The following KRT80 variants were observed in gnomAD, a reference collection of about 807,000 sequenced individuals.
The protein encoded by KRT80 is keratin, type II cytoskeletal 80.
Under a neutral mutation model 51.5 loss-of-function variants are expected in KRT80, and 36 were observed. The ratio of observed to expected loss-of-function variants is 0.70; its 90% CI spans 0.54 to 0.92. The LOEUF is 0.92. Among genes scored for constraint, KRT80 ranks in the 40% least tolerant of loss-of-function variants. The pLI is 0.00. For synonymous variants in KRT80, 235 were observed against 248.3 expected, an observed-to-expected ratio of 0.95 and a Z score of 0.50; for missense variants, 566 against 591.7, an observed-to-expected ratio of 0.96 and a Z score of 0.45.
rs1176997191 is a variant in KRT80 at position 52,169,930 on chromosome 12, C to T, written c.*1468G>A. 2.0e-5 allele frequency: 3 copies of T among 152,244 alleles called. No homozygotes were observed. The highest frequency in any genetic ancestry group is 4.4e-5 in the Non-Finnish European group (3 of 68,084). 9.4% of individuals were successfully genotyped at this position (152,244 alleles called of 1,614,324 possible). A position where few individuals can be genotyped will look rare whatever the true frequency, so the allele number is the denominator to read the frequency against. On this transcript the variant is annotated 3_prime_UTR_variant, in exon 9 of 9. Coordinates refer to ENST00000394815, the MANE Select transcript of KRT80 (RefSeq NM_182507.3). ...GGGCCCAGACCTCTGGCCAACATGTCCTGGCAAATGAGATGAATGAATCTA... is the reference window on the plus strand; with the variant it reads ...GGGCCCAGACCTCTGGCCAACATGTTCTGGCAAATGAGATGAATGAATCTA...
chr12:52,175,063 C>T (rs1025654496), intron 4 of KRT80, among the ~76,000 whole-genome samples: 4 of 152,204 alleles, frequency 2.6e-5, no homozygotes, highest in African/African-American at 9.6e-5. Context: ...CACCCTGACC[C>T]CTATTTCAAT....
intron 1 of KRT80, 27 bp downstream of exon 1, chr12:52,191,576 T>C (rs1941481189): frequency 2.0e-6 from 3 of 1,537,504 alleles, no homozygotes; most frequent in Admixed American, 2.0e-5. Flanking sequence ...CAGCCCTTCA[T>C]GTTTGGGACC....
rs1417129801 is a variant in KRT80, at chr12:52,169,688, A to T, written c.*1710T>A. On this transcript the variant is annotated 3_prime_UTR_variant, in exon 9 of 9. Coordinates refer to ENST00000394815, the MANE Select transcript of KRT80 (RefSeq NM_182507.3). ...ACAGGAAGGGAAGCAATAAGTTAAAAGCCACATAAGTTATGAAAAAATAAT... is the reference window on the plus strand; with the variant it reads ...ACAGGAAGGGAAGCAATAAGTTAAATGCCACATAAGTTATGAAAAAATAAT... 6.6e-6 allele frequency: 1 copy of T among 152,600 alleles called. No individual in the cohort carries two copies. Among genetic ancestry groups the T allele is most frequent in the African/African-American group, 2.4e-5 (1 of 41,456 alleles). The allele number at this position is 152,600 out of a possible 1,614,324, so 9.5% of individuals were successfully genotyped here. A position where few individuals can be genotyped will look rare whatever the true frequency, so the allele number is the denominator to read the frequency against.
At chr12:52,190,881 G>A (rs956735938) in intron 1 of KRT80, among the ~76,000 whole-genome samples, 67 of 152,296 alleles carry the variant, frequency 4.4e-4, no homozygotes, top group African/African-American at 1.6e-3. Context: ...AGCAGAGGTG[G>A]ACACGAGTGC....
chr12:52,176,393 T>C (rs9669529), intron 4 of KRT80, among the ~76,000 whole-genome samples: 5 of 151,946 alleles, frequency 3.3e-5, no homozygotes, highest in African/African-American at 1.2e-4. Flanking sequence ...TCAGGGTAGA[T>C]TGTGACTGTT....
intron 6 of KRT80, among the ~76,000 whole-genome samples, chr12:52,172,702 G>C (rs12826497): frequency 0.19 from 28,789 of 152,170 alleles, 2,863 homozygotes; most frequent in Middle Eastern, 0.23. Flanking sequence ...GTCCTGGCTG[G>C]AAGCTGGGAC....
chr12:52,189,532 T>C (rs953734278), intron 1 of KRT80, among the ~76,000 whole-genome samples: 3 of 152,230 alleles, frequency 2.0e-5, no homozygotes, highest in African/African-American at 7.2e-5. Context: ...AGCTGGTCAG[T>C]AGTGGACCGG....
chr12:52,183,035 T>G (rs1462046331), intron 2 of KRT80, among the ~76,000 whole-genome samples: 1 of 152,210 alleles, frequency 6.6e-6, no homozygotes, highest in African/African-American at 2.4e-5. Context: ...TCAGTCCCTA[T>G]CCACCGCCTG....
chr12:52,178,269 G>A (rs1181828969), intron 4 of KRT80, among the ~76,000 whole-genome samples: 7 of 152,144 alleles, frequency 4.6e-5, no homozygotes, highest in East Asian at 3.8e-4. Context: ...TTGCCACCCC[G>A]CCCCAGTGCC....
Position 52,173,608 on chromosome 12 carries a change from G to T in KRT80, c.823C>A (p.Arg275=), listed in dbSNP as rs750124096. Residue 275 remains arginine (R), a synonymous_variant, in exon 5 of 9, where the codon CGG becomes AGG. Transcript: ENST00000394815. ...RSLEEAEAYS[R]SQLEEQAARS... is the part of the protein sequence containing the mutation. ...TGTGTGGTCAGCCCCACCTGGCTCCGAGAGTATGCCTCGGCCTCCTCCAGG... is the reference window on the plus strand; with the variant it reads ...TGTGTGGTCAGCCCCACCTGGCTCCTAGAGTATGCCTCGGCCTCCTCCAGG... 1 of 1,612,424 alleles carries T rather than the reference G, an allele frequency of 6.2e-7. No homozygotes were observed. The highest frequency in any genetic ancestry group is 1.1e-5 in the South Asian group (1 of 91,056).
intron 4 of KRT80, among the ~76,000 whole-genome samples, chr12:52,174,534 G>A (rs1444158042): frequency 6.6e-6 from 1 of 152,240 alleles, no homozygotes; most frequent in African/African-American, 2.4e-5. Context: ...TCTGGAAATG[G>A]TAAAACCCAC....
chr12:52,177,654 TGTG>T, intron 4 of KRT80, among the ~76,000 whole-genome samples: 1 of 151,854 alleles, frequency 6.6e-6, no homozygotes, highest in African/African-American at 2.4e-5. Flanking sequence ...TGTGTGTGTG[TGTG>T]TGTGTGTGCA....
intron 4 of KRT80, among the ~76,000 whole-genome samples, chr12:52,176,999 T>C (rs533927446): frequency 2.6e-5 from 4 of 152,200 alleles, no homozygotes; most frequent in Admixed American, 1.3e-4. Context: ...ATTGTCCCCA[T>C]TTTATAGATG....
At chr12:52,188,115 C>G (rs1447812050) in intron 1 of KRT80, among the ~76,000 whole-genome samples, 1 of 152,066 alleles carries the variant, frequency 6.6e-6, no homozygotes, top group Non-Finnish European at 1.5e-5. Context: ...CACTTGGGAC[C>G]TTCCTTGCAG....
chr12:52,189,470 C>T (rs1483245325), intron 1 of KRT80, among the ~76,000 whole-genome samples: 1 of 152,244 alleles, frequency 6.6e-6, no homozygotes, highest in Non-Finnish European at 1.5e-5. Flanking sequence ...AGCCTGCTAA[C>T]CTAATGTGTG....
In KRT80 at chr12:52,173,104, G is replaced by A. The variant is rs151135932; in HGVS notation, c.891C>T (p.Ser297=). The part of the protein sequence containing the change: ...EYGSSLQSSR[S]EIADLNVRIQ... Reference sequence around the variant, plus strand: ...TGCGCACATTGAGATCCGCGATCTCGCTGCGGCTGCTCTGGAGGCTGCTCC... The same window carrying A: ...TGCGCACATTGAGATCCGCGATCTCACTGCGGCTGCTCTGGAGGCTGCTCC... The change falls in exon 6 of 9, where the codon AGC becomes AGT. Residue 297 remains serine (S), a synonymous_variant. Transcript: ENST00000394815. The A allele has an allele frequency of 1.3e-5, 21 of 1,613,282 alleles. No homozygotes were observed. Among genetic ancestry groups the A allele is most frequent in the East Asian group, 6.7e-5 (3 of 44,864 alleles).
chr12:52,186,847 C>T (rs1195412571), intron 1 of KRT80, among the ~76,000 whole-genome samples: 29 of 152,158 alleles, frequency 1.9e-4, no homozygotes, highest in Non-Finnish European at 1.2e-4. Context: ...TCTACCCAGT[C>T]CAGCCCAGCT....
At chr12:52,189,274 C>T (rs1941447821) in intron 1 of KRT80, among the ~76,000 whole-genome samples, 1 of 152,214 alleles carries the variant, frequency 6.6e-6, no homozygotes, top group Non-Finnish European at 1.5e-5. Context: ...CTTCACTCCT[C>T]TATCCGGCAG....
At chr12:52,173,218 T>C in intron 5 of KRT80, 55 bp from the exon 6 acceptor site, 1 of 1,503,586 alleles carries the variant, frequency 6.7e-7, no homozygotes, top group Non-Finnish European at 8.9e-7. Flanking sequence ...TCCCAGCACT[T>C]GTTACCCGCC....
Sources: allele counts gnomAD v4.1 joint callset (sites outside exome capture counted in the v4.1 genomes callset), GRCh38; gene constraint gnomAD v4.1.1; transcripts MANE v1.5; gene names NCBI Gene and HGNC (gene_info 2026-07-23, HGNC 2026-07-21).